Variants in ATAD2B observed in about 807,000 individuals in gnomAD.
ATAD2B encodes ATPase family AAA domain-containing protein 2B.
In ATAD2B, 40 loss-of-function variants were observed where a neutral mutation model predicts 167.6. That is an observed-to-expected ratio of 0.24 (90% CI 0.19 to 0.31). The LOEUF (loss-of-function observed/expected upper bound fraction) is 0.31. ATAD2B is among the 10% of genes least tolerant of loss of function. The probability of loss-of-function intolerance (pLI) is 1.00; values close to 1 mark genes in which losing one functional copy is unlikely to be tolerated. For missense variants in ATAD2B, 1,242 were observed against 1,757.2 expected (o/e 0.71, Z 5.24); for synonymous variants, 579 against 596.5 (o/e 0.97, Z 0.43).
At chr2:23,889,458 G>A (rs537227837) in intron 2 of ATAD2B, among the ~76,000 whole-genome samples, 8 of 151,934 alleles carry the variant, frequency 5.3e-5, no homozygotes, top group Middle Eastern at 3.4e-3. Context: ...GTAAGCCACC[G>A]CGCCCAGCCC....
chr2:23,810,640 CTTAT>C lies in ATAD2B; in HGVS notation c.2268-142_2268-139del, dbSNP rs1685414845. Reference sequence around the variant, plus strand: ...TTCCTATATTATTTTAGTATAGTGACTTATTTTTTTATTAATTATGGTTTTAAAA... The same window carrying C: ...TTCCTATATTATTTTAGTATAGTGACTTTTTTATTAATTATGGTTTTAAAA... On this transcript the variant is annotated intron_variant, in intron 17 of 27. Coordinates refer to ENST00000238789, the MANE Select transcript of ATAD2B (RefSeq NM_017552.4). 6.1e-6 allele frequency: 4 copies of C among 654,094 alleles called. No individual in the cohort carries two copies. In the Admixed American group the frequency reaches 9.0e-5, roughly 15 times the overall value. 40.5% of individuals were successfully genotyped at this position (654,094 alleles called of 1,614,324 possible).
chr2:23,924,653 AAAAC>A (rs1704453827), intron 1 of ATAD2B, among the ~76,000 whole-genome samples: 1 of 152,224 alleles, frequency 6.6e-6, no homozygotes, highest in Admixed American at 6.5e-5. Context: ...TTAAGACTGA[AAAAC>A]AAATATTTCA....
chr2:23,862,496 G>A (rs1443045324), intron 12 of ATAD2B, among the ~76,000 whole-genome samples: 1 of 138,042 alleles, frequency 7.2e-6, no homozygotes, highest in African/African-American at 2.7e-5. Flanking sequence ...CTGCAGCCTT[G>A]AACTCCGGGG....
chr2:23,803,960 C>A (rs1002135931), intron 18 of ATAD2B, among the ~76,000 whole-genome samples: 2 of 152,150 alleles, frequency 1.3e-5, no homozygotes, highest in African/African-American at 4.8e-5. Context: ...ACAGACTAAA[C>A]CCTTATATTA....
At chr2:23,707,567 G>GT in the ATAD2B span, 1 of 152,118 alleles carries the variant, frequency 6.6e-6, no homozygotes, top group South Asian at 2.1e-4. Context: ...TTTAGAAAAA[G>GT]TAACTCCCAG....
intron 22 of ATAD2B, among the ~76,000 whole-genome samples, chr2:23,767,722 G>A (rs2149336786): frequency 6.6e-6 from 1 of 152,248 alleles, no homozygotes; most frequent in East Asian, 1.9e-4. Context: ...TTGAACTGGG[G>A]TAATGGTGGT....
intron 6 of ATAD2B, among the ~76,000 whole-genome samples, chr2:23,881,848 T>C: frequency 6.6e-6 from 1 of 151,852 alleles, no homozygotes. Context: ...CTCAGCCTCC[T>C]GAGTAGCTGG....
intron 7 of ATAD2B, 40 bp downstream of exon 7, chr2:23,880,599 T>A: frequency 8.9e-7 from 1 of 1,123,074 alleles, no homozygotes; most frequent in Non-Finnish European, 1.3e-6. Context: ...AATAAGTTAC[T>A]CAACTACCAG....
chr2:23,699,739 A>G, the ATAD2B span, among the ~76,000 whole-genome samples: 9 of 151,968 alleles, frequency 5.9e-5, no homozygotes, highest in African/African-American at 2.2e-4. Flanking sequence ...ATCCCACCCC[A>G]TAACACACTG....
chr2:23,756,990 T>C (rs17461890), intron 25 of ATAD2B, among the ~76,000 whole-genome samples: 1,654 of 152,292 alleles, frequency 0.011, 16 homozygotes, highest in Middle Eastern at 0.037. Flanking sequence ...TCTAGGTCTA[T>C]ATTACTCTTC....
chr2:23,741,312 G>T, the ATAD2B span, among the ~76,000 whole-genome samples: 1 of 152,118 alleles, frequency 6.6e-6, no homozygotes, highest in East Asian at 1.9e-4. Context: ...ATACTACAAG[G>T]CTACAGGAAC....
the ATAD2B span, among the ~76,000 whole-genome samples, chr2:23,710,712 A>T: frequency 6.6e-6 from 1 of 152,208 alleles, no homozygotes; most frequent in African/African-American, 2.4e-5. Context: ...AATAATACAA[A>T]TGAAAAAACA....
At chr2:23,680,224 A>G in the ATAD2B span, among the ~76,000 whole-genome samples, 1 of 152,000 alleles carries the variant, frequency 6.6e-6, no homozygotes, top group African/African-American at 2.4e-5. The surrounding 1 kb of genome is among the most constrained non-coding windows in gnomAD (Gnocchi z 4.1). Context: ...GAATTCTAGG[A>G]GGTAAAAAGA....
chr2:23,791,468 CTTT>C (rs34442242), intron 19 of ATAD2B, among the ~76,000 whole-genome samples: 2 of 139,362 alleles, frequency 1.4e-5, no homozygotes, highest in Non-Finnish European at 1.6e-5. Flanking sequence ...TGCAAAAGCA[CTTT>C]TTTTTTTTTT....
intron 13 of ATAD2B, among the ~76,000 whole-genome samples, chr2:23,848,470 ACT>A (rs1173977493): frequency 6.6e-6 from 1 of 152,098 alleles, no homozygotes; most frequent in African/African-American, 2.4e-5. Flanking sequence ...ACAGAGTGAG[ACT>A]CTGTCTCAAA....
the ATAD2B span, among the ~76,000 whole-genome samples, chr2:23,687,969 T>C: frequency 1.3e-5 from 2 of 152,048 alleles, no homozygotes; most frequent in African/African-American, 2.4e-5. Flanking sequence ...CCGAGTCCCT[T>C]TGGGCTTGGC....
At chr2:23,757,374 CTG>C in intron 25 of ATAD2B, 42 bp downstream of exon 25, 1 of 1,385,886 alleles carries the variant, frequency 7.2e-7, no homozygotes, top group Non-Finnish European at 9.7e-7. Flanking sequence ...CGAATTAACT[CTG>C]GAGTTTAAAC....
At chr2:23,919,148 G>C (rs1456078399) in intron 1 of ATAD2B, among the ~76,000 whole-genome samples, 1 of 151,776 alleles carries the variant, frequency 6.6e-6, no homozygotes, top group Non-Finnish European at 1.5e-5. Flanking sequence ...TTCGAGACTA[G>C]CCTGGCCAAC....
chr2:23,690,796 A>C, the ATAD2B span: 1 of 152,304 alleles, frequency 6.6e-6, no homozygotes, highest in African/African-American at 2.4e-5. Flanking sequence ...GGCAGCTGCC[A>C]GGCCTTAGGA....
Sources: allele counts gnomAD v4.1 joint callset (sites outside exome capture counted in the v4.1 genomes callset), GRCh38; gene constraint gnomAD v4.1.1; non-coding constraint Gnocchi (gnomAD v3.1); transcripts MANE v1.5; gene names NCBI Gene and HGNC (gene_info 2026-07-23, HGNC 2026-07-21).